FNBP4: variants seen among roughly 807,000 people sequenced by gnomAD.
FNBP4 encodes formin binding protein 4.
A neutral mutation model predicts 119.3 loss-of-function variants in FNBP4; 34 were observed. The ratio of observed to expected loss-of-function variants is 0.28; its 90% CI spans 0.22 to 0.38. The LOEUF (loss-of-function observed/expected upper bound fraction) is 0.38, where lower values mean the gene tolerates loss of function less well. FNBP4 is among the 10% of genes least tolerant of loss of function. The pLI is 1.00. For missense variants in FNBP4, 1,112 were observed against 1,228.9 expected (o/e 0.90, Z 1.42); for synonymous variants, 462 against 430.6 (o/e 1.07, Z -0.90).
rs1324798864 is a variant in FNBP4 at position 47,724,190 on chromosome 11, G to A, written c.2320-18C>T. Reference sequence around the variant, plus strand: ...ACTGAACTCTGAAACACAAACATTTGTTATCAGTGGCTGAAGGCCATGGTT... The same window carrying A: ...ACTGAACTCTGAAACACAAACATTTATTATCAGTGGCTGAAGGCCATGGTT... On this transcript the variant is annotated intron_variant, in intron 13 of 16. Transcript: ENST00000263773. The A allele has an allele frequency of 1.2e-6, 2 of 1,613,044 alleles. No homozygotes were observed. The highest frequency in any genetic ancestry group is 2.2e-5 in the East Asian group (1 of 44,866).
chr11:47,744,065 C>A lies in FNBP4; in HGVS notation c.1344G>T (p.Arg448Ser). Residue 448 changes from arginine to serine, a missense_variant, in exon 8 of 17, where the codon AGG (arginine) becomes AGT (serine). By Grantham distance (110) the Arg-to-Ser change is moderately radical. Transcript: ENST00000263773. ...SQPASQDGMRRLMSKRGKWKM... is the reference protein window; with the variant it reads ...SQPASQDGMRSLMSKRGKWKM... ...TCCATTTTCCTCTTTTAGACATAAG[C>A]CTACGCATTCCATCTTGAGATGCTG... is the stretch of plus-strand genomic sequence containing the variant. 6.2e-7 allele frequency: 1 copy of A among 1,614,088 alleles called. No homozygotes were observed. Among genetic ancestry groups the A allele is most frequent in the Non-Finnish European group, 8.5e-7 (1 of 1,180,016 alleles).
chr11:47,718,968 C>T (rs1481152940), intron 16 of FNBP4, among the ~76,000 whole-genome samples: 2 of 145,174 alleles, frequency 1.4e-5, no homozygotes, highest in East Asian at 2.1e-4. Context: ...TGCAATAGCA[C>T]GGTCTTGGCT....
intron 8 of FNBP4, among the ~76,000 whole-genome samples, chr11:47,742,742 T>C (rs185862668): frequency 0.017 from 2,563 of 151,126 alleles, 26 homozygotes; most frequent in Non-Finnish European, 0.026. Context: ...TACAAAAAAT[T>C]AGCTGGGCGT....
intron 6 of FNBP4, among the ~76,000 whole-genome samples, chr11:47,748,228 G>C (rs989200465): frequency 6.6e-5 from 10 of 151,166 alleles, no homozygotes; most frequent in African/African-American, 2.4e-4. Context: ...GACAGAGCTA[G>C]GCTAGGTCTC....
rs375545508 is a variant in FNBP4, at chr11:47,746,341, C to A, written c.960G>T (p.Gly320=). The A allele has an allele frequency of 8.1e-6, 13 of 1,613,550 alleles. No homozygotes were observed. The highest frequency in any genetic ancestry group is 1.7e-6 in the Non-Finnish European group (2 of 1,179,998). The change falls in exon 7 of 17, where the codon GGG becomes GGT. Residue 320 remains glycine, a synonymous_variant. Transcript: ENST00000263773. ...AAGGAGCAAGCAGCGATGCTGCCAC[C>A]CCTTTCTTCTCCTCCTCACTATTTG... is the stretch of plus-strand genomic sequence containing the variant. The part of the protein sequence containing the change: ...ALSNSEEEKK[G]VAASLLAPLL...
chr11:47,741,958 T>C (rs1332788866), intron 8 of FNBP4, among the ~76,000 whole-genome samples: 1 of 152,012 alleles, frequency 6.6e-6, no homozygotes. Context: ...TAAATGTCCA[T>C]CAACAGTGGG....
At chr11:47,761,327 G>A (rs2097633899) in intron 2 of FNBP4, among the ~76,000 whole-genome samples, 1 of 152,128 alleles carries the variant, frequency 6.6e-6, no homozygotes, top group Non-Finnish European at 1.5e-5. Context: ...GGGCATGGTC[G>A]CTCACCGCTC....
chr11:47,749,821 A>G (rs1017358417), intron 6 of FNBP4, among the ~76,000 whole-genome samples: 3 of 152,194 alleles, frequency 2.0e-5, no homozygotes, highest in East Asian at 3.9e-4. Context: ...AGAATACTCA[A>G]CTGCTAAGTA....
At chr11:47,731,874 G>A in intron 11 of FNBP4, 2 of 1,051,402 alleles carry the variant, frequency 1.9e-6, no homozygotes, top group Non-Finnish European at 2.3e-6. Context: ...TTTCATTAAT[G>A]AAGGGACTCA....
chr11:47,756,421 T>A (rs2097618342), intron 2 of FNBP4, among the ~76,000 whole-genome samples: 1 of 152,184 alleles, frequency 6.6e-6, no homozygotes, highest in Non-Finnish European at 1.5e-5. Context: ...ATCCCATACA[T>A]AAACTCAAAG....
rs57726690 is a variant in FNBP4, at chr11:47,722,144, GTT to G, written c.2805+830_2805+831del. Among the ~76,000 whole-genome samples, 152 of 133,550 alleles carry G rather than the reference GTT, an allele frequency of 1.1e-3. 1 individual carries two copies. Among genetic ancestry groups the G allele is most frequent in the South Asian group, 1.9e-3 (8 of 4,232 alleles). 87.6% of individuals were successfully genotyped at this position (133,550 alleles called of 152,430 possible). ...AAGAAAGGTTCTACAAAAGCAGAGG[GTT>G]TTTTTTTTTTTTGTCTGTTTGATGT... On this transcript the variant is annotated intron_variant, in intron 15 of 16. Coordinates refer to ENST00000263773, the MANE Select transcript of FNBP4 (RefSeq NM_015308.5).
chr11:47,731,276 T>C lies in FNBP4; in HGVS notation c.2008+98A>G, dbSNP rs959242837. On this transcript the variant is annotated intron_variant, in intron 12 of 16. Coordinates refer to ENST00000263773, the MANE Select transcript of FNBP4 (RefSeq NM_015308.5). ...ACACCACTATTCTCAATCAGAAGCT[T>C]ATATTATTATGACATAAAATCTTTT... The C allele has an allele frequency of 1.5e-5, 18 of 1,187,794 alleles. No individual in the cohort carries two copies. In the African/African-American group the frequency reaches 2.8e-4, roughly 19 times the overall value. 73.6% of individuals were successfully genotyped at this position (1,187,794 alleles called of 1,614,324 possible). A position where few individuals can be genotyped will look rare whatever the true frequency, so the allele number is the denominator to read the frequency against.
chr11:47,740,776 G>C lies in FNBP4; in HGVS notation c.1456+3177C>G, dbSNP rs113431617. Among the ~76,000 whole-genome samples the C allele has an allele frequency of 7.9e-5, 12 of 151,590 alleles. 2 individuals carry two copies. Among genetic ancestry groups the C allele is most frequent in the African/African-American group, 2.7e-4 (11 of 41,058 alleles). On this transcript the variant is annotated intron_variant, in intron 8 of 16. Coordinates refer to ENST00000263773, the MANE Select transcript of FNBP4 (RefSeq NM_015308.5). Reference sequence around the variant, plus strand: ...TGCAGATAATTTTGTATTTTTAGTAGAGACGGGGTTTCACCATGTTGGCCA... The same window carrying C: ...TGCAGATAATTTTGTATTTTTAGTACAGACGGGGTTTCACCATGTTGGCCA...
intron 2 of FNBP4, among the ~76,000 whole-genome samples, chr11:47,759,441 T>G (rs2097628175): frequency 6.6e-6 from 1 of 151,942 alleles, no homozygotes; most frequent in Non-Finnish European, 1.5e-5. Context: ...CTCGCACTCC[T>G]GACCTCAAGT....
In FNBP4 at chr11:47,744,153, C is replaced by T. The variant is rs768512678; in HGVS notation, c.1256G>A (p.Arg419Gln). The change falls in exon 8 of 17, where the codon CGA becomes CAA. Residue 419 changes from arginine to glutamine, a missense_variant. Physicochemically the swap from Arg to Gln is conservative, Grantham distance 43 (BLOSUM62 1). This residue lies in a region of FNBP4 where 826 missense variants were observed against 988.8 expected (regional missense o/e 0.84). Coordinates refer to ENST00000263773, the MANE Select transcript of FNBP4 (RefSeq NM_015308.5). Reference sequence around the variant, plus strand: ...ACTACCATCTCCTTCCTCCAAGGCTCGCAACTCTGCCTACAAAGAACATGA... The same window carrying T: ...ACTACCATCTCCTTCCTCCAAGGCTTGCAACTCTGCCTACAAAGAACATGA... ...LVLERKKAEL[R>Q]ALEEGDGSVS... 16 of 1,613,836 alleles carry T rather than the reference C, an allele frequency of 9.9e-6. No homozygotes were observed. The highest frequency in any genetic ancestry group is 6.6e-5 in the South Asian group (6 of 91,080).
intron 6 of FNBP4, among the ~76,000 whole-genome samples, chr11:47,747,043 AATT>A (rs1294241601): frequency 6.6e-6 from 1 of 151,722 alleles, no homozygotes; most frequent in Non-Finnish European, 1.5e-5. Context: ...TATGATGAGA[AATT>A]TTTTTTTTTG....
intron 4 of FNBP4, among the ~76,000 whole-genome samples, chr11:47,752,119 C>T (rs1227492807): frequency 6.6e-6 from 1 of 152,084 alleles, no homozygotes; most frequent in African/African-American, 2.4e-5. Flanking sequence ...CCATCTTCAA[C>T]ATGCTTTATT....
rs1487583260 is a variant in FNBP4, at chr11:47,754,556, A to G, written c.422T>C (p.Ile141Thr). The change falls in exon 3 of 17, where the codon ATT (isoleucine) becomes ACT (threonine). Residue 141 changes from isoleucine (I) to threonine (T), a missense_variant. By Grantham distance (89) the Ile-to-Thr change is moderately conservative. This residue lies in a region of FNBP4 where 286 missense variants were observed against 240.1 expected (regional missense o/e 1.19). Coordinates refer to ENST00000263773, the MANE Select transcript of FNBP4 (RefSeq NM_015308.5). ...TAGGAAGTTGGCCAATGTACTATCAATATCAGTTGACTGGTTTCCATTTGT... is the reference window on the plus strand; with the variant it reads ...TAGGAAGTTGGCCAATGTACTATCAGTATCAGTTGACTGGTTTCCATTTGT... ...KETNGNQSTD[I>T]DSTLANFLAE... The G allele has an allele frequency of 7.4e-6, 12 of 1,613,994 alleles. No individual in the cohort carries two copies. Among genetic ancestry groups the G allele is most frequent in the East Asian group, 2.2e-5 (1 of 44,894 alleles).
At chr11:47,734,187 G>A in intron 9 of FNBP4, 58 bp from the exon 10 acceptor site, 1 of 948,160 alleles carries the variant, frequency 1.1e-6, no homozygotes, top group Non-Finnish European at 1.6e-6. Context: ...TCTGTATTAT[G>A]TACAATCCTT....
Sources: allele counts gnomAD v4.1 joint callset (sites outside exome capture counted in the v4.1 genomes callset), GRCh38; gene constraint gnomAD v4.1.1; regional missense constraint gnomAD v4.1.1; transcripts MANE v1.5; gene names NCBI Gene and HGNC (gene_info 2026-07-23, HGNC 2026-07-21).